FGG: variants seen among roughly 807,000 people sequenced by gnomAD.
FGG encodes the protein fibrinogen, gamma polypeptide.
In FGG, 20 loss-of-function variants were observed where a neutral mutation model predicts 51.7. The observed-to-expected ratio is 0.39, with a 90% CI of 0.27 to 0.56. The LOEUF (loss-of-function observed/expected upper bound fraction) is 0.56, where lower values mean the gene tolerates loss of function less well. FGG is among the 20% of genes least tolerant of loss of function. The probability of loss-of-function intolerance (pLI) is 0.64; values close to 1 mark genes in which losing one functional copy is unlikely to be tolerated. For missense variants in FGG, 460 were observed against 534.2 expected (o/e 0.86, Z 1.37); for synonymous variants, 184 against 184.7 (o/e 1.00, Z 0.03).
In FGG at chr4:154,604,611, T is replaced by G; in HGVS notation, c.*223A>C. The G allele has an allele frequency of 7.9e-7, 1 of 1,266,628 alleles. No homozygotes were observed. Among genetic ancestry groups the G allele is most frequent in the Non-Finnish European group, 1.0e-6 (1 of 966,348 alleles). 78.5% of individuals were successfully genotyped at this position (1,266,628 alleles called of 1,614,324 possible). On this transcript the variant is annotated 3_prime_UTR_variant, in exon 9 of 9. Transcript: ENST00000336098. ...GTCAATCATTTTATTATTATATATT[T>G]AGGAACAAAGTTGAAATGTTATCTC...
At chr4:154,608,728 CAAA>C (rs1731147988) in intron 6 of FGG, 78 bp from the exon 7 acceptor site, 4 of 1,363,338 alleles carry the variant, frequency 2.9e-6, no homozygotes, top group Non-Finnish European at 4.1e-6. Context: ...AACATTTTGT[CAAA>C]AATACAGAGC....
intron 4 of FGG, 139 bp from the exon 5 acceptor site, chr4:154,610,336 A>T: frequency 1.5e-6 from 1 of 651,288 alleles, no homozygotes; most frequent in Non-Finnish European, 2.6e-6. Context: ...TCCATTCTTG[A>T]GGAAAATGTA....
chr4:154,605,972 G>A (rs1466418738), intron 8 of FGG, among the ~76,000 whole-genome samples: 2 of 152,026 alleles, frequency 1.3e-5, no homozygotes, highest in African/African-American at 2.4e-5. Flanking sequence ...TTCCCAGGGT[G>A]GTGTTGCTGT....
At chr4:154,610,249 C>A (rs1416584273) in intron 4 of FGG, 52 bp from the exon 5 acceptor site, 5 of 1,385,900 alleles carry the variant, frequency 3.6e-6, no homozygotes, top group Non-Finnish European at 5.1e-6. Context: ...AATAAGTATT[C>A]CTTTCAGAAG....
intron 4 of FGG, among the ~76,000 whole-genome samples, chr4:154,610,856 T>C (rs1309862437): frequency 1.3e-5 from 2 of 152,186 alleles, no homozygotes; most frequent in East Asian, 3.8e-4. Flanking sequence ...ACCCTCCTTT[T>C]GTAGTTACTT....
At chr4:154,608,136 A>T (rs372256190) in intron 7 of FGG, among the ~76,000 whole-genome samples, 5 of 152,214 alleles carry the variant, frequency 3.3e-5, no homozygotes, top group African/African-American at 1.2e-4. Context: ...TGGGATTAAT[A>T]ATAATACCTG....
At chr4:154,608,716 T>C (rs1295580946) in intron 6 of FGG, 66 bp from the exon 7 acceptor site, 15 of 1,461,070 alleles carry the variant, frequency 1.0e-5, no homozygotes, top group Admixed American at 1.7e-5. Context: ...GAGAATGCTG[T>C]CAACATTTTG....
intron 8 of FGG, among the ~76,000 whole-genome samples, chr4:154,605,590 T>C (rs1731083155): frequency 6.6e-6 from 1 of 152,126 alleles, no homozygotes; most frequent in African/African-American, 2.4e-5. Context: ...TGTAATTCTG[T>C]AAAAGGCTTG....
In FGG at chr4:154,606,927, T is replaced by G; in HGVS notation, c.907A>C (p.Thr303Pro). 6.2e-7 allele frequency: 1 copy of G among 1,613,696 alleles called. No individual in the cohort carries two copies. The change falls in exon 8 of 9, where the codon ACA (threonine) becomes CCA (proline). Residue 303 changes from threonine to proline, a missense_variant. Coordinates refer to ENST00000336098, the MANE Select transcript of FGG (RefSeq NM_021870.3). ...VGPEADKYRL[T>P]YAYFAGGDAG... is the part of the protein sequence containing the mutation. ...TCCCCACCAGCGAAGTAGGCATATG[T>G]TAGGCGGTACTTGTCAGCTTCAGGT...
intron 4 of FGG, chr4:154,611,112 C>A (rs1345138935): frequency 6.6e-6 from 1 of 152,006 alleles, no homozygotes; most frequent in Non-Finnish European, 1.5e-5. Context: ...CTTTCCTGGG[C>A]CACTTCTCCC....
rs757379924 is a variant in FGG at position 154,604,379 on chromosome 4, A to G, written c.*455T>C. 3.4e-6 allele frequency: 5 copies of G among 1,487,860 alleles called. No homozygotes were observed. The highest frequency in any genetic ancestry group is 3.6e-6 in the Non-Finnish European group (4 of 1,120,250). 92.2% of individuals were successfully genotyped at this position (1,487,860 alleles called of 1,614,324 possible). ...CCTGTGAATATATAACAAAACAAAA[A>G]CCATATTAAAAAGACATAATTTTCT... On this transcript the variant is annotated 3_prime_UTR_variant, in exon 9 of 9. Transcript: ENST00000336098.
rs1731226160 is a variant in FGG, at chr4:154,612,085, T to C, written c.240A>G (p.Thr80=). 1 of 1,612,994 alleles carries C rather than the reference T, an allele frequency of 6.2e-7. No homozygotes were observed. The highest frequency in any genetic ancestry group is 8.5e-7 in the Non-Finnish European group (1 of 1,179,736). ...CTTTTATCAGCTGTTTGACTTCTGA[T>C]GTTTTGTTTTCAACTTGATGTAAGA... ...EDILHQVENK[T]SEVKQLIKAI... The change falls in exon 3 of 9, where the codon ACA becomes ACG. Residue 80 remains threonine, a synonymous_variant. Transcript: ENST00000336098.
rs773198473 is a variant in FGG at position 154,608,561 on chromosome 4, A to C, written c.756T>G (p.Phe252Leu). ...GHLSPTGTTEFWLGNEKIHLI... is the reference protein window; with the variant it reads ...GHLSPTGTTELWLGNEKIHLI... ...AATGAATCTTCTCATTTCCCAGCCA[A>C]AATTCTGTTGTGCCAGTAGGAGACA... The change falls in exon 7 of 9, where the codon TTT becomes TTG. Residue 252 changes from phenylalanine (F) to leucine (L), a missense_variant. Phe to Leu is a conservative substitution (Grantham distance 22, BLOSUM62 0). This residue lies in a region of FGG where 353 missense variants were observed against 391.7 expected (regional missense o/e 0.90). Transcript: ENST00000336098. 1.2e-6 allele frequency: 2 copies of C among 1,613,870 alleles called. No individual in the cohort carries two copies. Among genetic ancestry groups the C allele is most frequent in the Non-Finnish European group, 8.5e-7 (1 of 1,179,864 alleles).
In FGG at chr4:154,612,214, C is replaced by T; in HGVS notation, c.124-13G>A. The T allele has an allele frequency of 6.2e-7, 1 of 1,609,072 alleles. No individual in the cohort carries two copies. Among genetic ancestry groups the T allele is most frequent in the Non-Finnish European group, 8.5e-7 (1 of 1,177,348 alleles). The stretch of plus-strand genomic sequence containing the variant: ...GACAATAACTACCCTGAAAATATAA[C>T]AGTGATTAAAAATGTAGACAGATGC... On this transcript the variant is annotated splice_polypyrimidine_tract_variant and intron_variant, in intron 2 of 8. Transcript: ENST00000336098.
Position 154,608,625 on chromosome 4 carries a change from T to C in FGG, c.692A>G (p.Lys231Arg). The C allele has an allele frequency of 1.2e-6, 2 of 1,609,982 alleles. No individual in the cohort carries two copies. Among genetic ancestry groups the C allele is most frequent in the Non-Finnish European group, 1.7e-6 (2 of 1,178,656 alleles). Reference protein sequence around the residue: ...QKRLDGSVDFKKNWIQYKEGF... With the variant: ...QKRLDGSVDFRKNWIQYKEGF... ...TTCTTTATATTGAATCCAGTTTTTC[T>C]TGAAATCTACACTGCCATCAAGTCT... is the stretch of plus-strand genomic sequence containing the variant. Residue 231 changes from lysine (K) to arginine (R), a missense_variant, in exon 7 of 9, where the codon AAG becomes AGG. Transcript: ENST00000336098.
Position 154,604,670 on chromosome 4 carries a change from C to A in FGG, c.*164G>T, listed in dbSNP as rs997939846. On this transcript the variant is annotated 3_prime_UTR_variant, in exon 9 of 9. Coordinates refer to ENST00000336098, the MANE Select transcript of FGG (RefSeq NM_021870.3). ...AACAATTTTTAAATAACTCTGATAT[C>A]AGTAATTTGGAAATACAGTCCTAAA... 50 of 1,418,016 alleles carry A rather than the reference C, an allele frequency of 3.5e-5. No individual in the cohort carries two copies. In the Middle Eastern group the frequency reaches 1.0e-3, roughly 29 times the overall value. 87.8% of individuals were successfully genotyped at this position (1,418,016 alleles called of 1,614,324 possible).
intron 4 of FGG, chr4:154,611,111 G>C (rs1731203631): frequency 6.6e-6 from 1 of 151,970 alleles, no homozygotes; most frequent in Non-Finnish European, 1.5e-5. Context: ...TCTTTCCTGG[G>C]CCACTTCTCC....
chr4:154,609,482 G>A, intron 6 of FGG, 148 bp downstream of exon 6: 2 of 945,444 alleles, frequency 2.1e-6, no homozygotes, highest in Non-Finnish European at 3.2e-6. Context: ...TTCCTTTTCT[G>A]TAAATAGGAG....
chr4:154,604,234 A>T lies in FGG; in HGVS notation c.*600T>A. On this transcript the variant is annotated 3_prime_UTR_variant, in exon 9 of 9. Transcript: ENST00000336098. ...TTTCAACATGGGGTCTTTTGCTCTTAAAATGAAGTGAAGCTTTGCAAGTCC... is the reference window on the plus strand; with the variant it reads ...TTTCAACATGGGGTCTTTTGCTCTTTAAATGAAGTGAAGCTTTGCAAGTCC... The T allele has an allele frequency of 1.1e-6, 1 of 879,106 alleles. No individual in the cohort carries two copies. The highest frequency in any genetic ancestry group is 1.7e-6 in the Non-Finnish European group (1 of 596,252). 54.5% of individuals were successfully genotyped at this position (879,106 alleles called of 1,614,324 possible).
Sources: allele counts gnomAD v4.1 joint callset (sites outside exome capture counted in the v4.1 genomes callset), GRCh38; gene constraint gnomAD v4.1.1; regional missense constraint gnomAD v4.1.1; transcripts MANE v1.5; gene names NCBI Gene and HGNC (gene_info 2026-07-23, HGNC 2026-07-21).